NPAS2: variants seen among roughly 807,000 people sequenced by gnomAD.
NPAS2 encodes neuronal PAS domain protein 2, also known as neuronal PAS domain-containing protein 2.
In NPAS2, 23 loss-of-function variants were observed where a neutral mutation model predicts 107.5. That is an observed-to-expected ratio of 0.21 (90% confidence interval 0.15 to 0.30). The LOEUF (loss-of-function observed/expected upper bound fraction) is 0.30. NPAS2 is among the 10% of genes least tolerant of loss of function. The pLI is 1.00. For synonymous variants in NPAS2, 403 were observed against 417.5 expected, an observed-to-expected ratio of 0.97 and a Z score of 0.42; for missense variants, 756 against 1,043.3, an observed-to-expected ratio of 0.72 and a Z score of 3.79.
Position 100,990,110 on chromosome 2 carries a change from C to CA in NPAS2, c.1828-145dup, listed in dbSNP as rs111903663. On this transcript the variant is annotated intron_variant, in intron 17 of 20. Coordinates refer to ENST00000335681, the MANE Select transcript of NPAS2 (RefSeq NM_002518.4). ...TACAATCCAATGGGGAAGACAGTCA[C>CA]AGATCAAAGTAATTCAGTAGTTGGG... 316 of 741,342 alleles carry CA rather than the reference C, an allele frequency of 4.3e-4. 3 individuals are homozygous for CA. The African/African-American group carries it at 4.8e-3, about 11-fold the overall frequency. The allele number at this position is 741,342 out of a possible 1,614,324, so 45.9% of individuals were successfully genotyped here.
rs1679148041 is a variant in NPAS2, at chr2:100,864,641, G to A, written c.-22-40092G>A. ...ATCTACATAACAAAGAAAAAATGGG[G>A]CACAACACCCCCTTAGTCTTTAAAG... is the stretch of plus-strand genomic sequence containing the variant. On this transcript the variant is annotated intron_variant, in intron 1 of 20. Coordinates refer to ENST00000335681, the MANE Select transcript of NPAS2 (RefSeq NM_002518.4). 4.6e-5 allele frequency among the ~76,000 whole-genome samples: 7 copies of A among 152,240 alleles called. No homozygotes were observed. In the South Asian group the frequency reaches 1.5e-3, roughly 32 times the overall value.
intron 12 of NPAS2, among the ~76,000 whole-genome samples, chr2:100,971,577 C>T (rs189107067): frequency 6.6e-6 from 1 of 152,290 alleles, no homozygotes; most frequent in Admixed American, 6.5e-5. Context: ...CTCCCTGTCA[C>T]CTGTGCTTTC....
At chr2:100,970,729 AT>A (rs1318859353) in intron 11 of NPAS2, 1 of 378,392 alleles carries the variant, frequency 2.6e-6, no homozygotes, top group Non-Finnish European at 4.7e-6. Flanking sequence ...AGTAAAAAGA[AT>A]AGTAAATGAG....
At chr2:100,973,840 T>C (rs1676767756) in intron 12 of NPAS2, among the ~76,000 whole-genome samples, 1 of 152,118 alleles carries the variant, frequency 6.6e-6, no homozygotes, top group African/African-American at 2.4e-5. Flanking sequence ...CAACCTTTGT[T>C]TGGTTTATTA....
At chr2:100,876,902 C>A (rs1021836738) in intron 1 of NPAS2, among the ~76,000 whole-genome samples, 1 of 152,182 alleles carries the variant, frequency 6.6e-6, no homozygotes, top group African/African-American at 2.4e-5. Flanking sequence ...AGAGCTGCAG[C>A]CACCAGGAGA....
At chr2:100,911,947 T>C (rs1340326926) in intron 2 of NPAS2, among the ~76,000 whole-genome samples, 2 of 152,176 alleles carry the variant, frequency 1.3e-5, no homozygotes, top group Non-Finnish European at 2.9e-5. Context: ...TCAGTTTTAA[T>C]AGGAATGCTC....
At chr2:100,854,030 G>A (rs1471906601) in intron 1 of NPAS2, among the ~76,000 whole-genome samples, 2 of 150,958 alleles carry the variant, frequency 1.3e-5, no homozygotes, top group East Asian at 3.9e-4. Flanking sequence ...TGTGCCTCTA[G>A]TCTCAGTTAC....
intron 2 of NPAS2, among the ~76,000 whole-genome samples, chr2:100,923,270 C>T (rs1683352185): frequency 6.6e-6 from 1 of 151,946 alleles, no homozygotes; most frequent in Non-Finnish European, 1.5e-5. Flanking sequence ...AGGAAAAGAC[C>T]CCTAGGTAAA....
chr2:100,842,404 A>AT (rs1235048184), intron 1 of NPAS2, among the ~76,000 whole-genome samples: 1 of 151,862 alleles, frequency 6.6e-6, no homozygotes, highest in Non-Finnish European at 1.5e-5. Flanking sequence ...TCCCTTGTCA[A>AT]TGGGAGCTAG....
chr2:100,870,196 G>A (rs991043024), intron 1 of NPAS2, among the ~76,000 whole-genome samples: 5 of 152,012 alleles, frequency 3.3e-5, no homozygotes, highest in African/African-American at 1.2e-4. Flanking sequence ...ACCGCACCTG[G>A]CCCAGACTCC....
chr2:100,884,590 A>G (rs1680579484), intron 1 of NPAS2, among the ~76,000 whole-genome samples: 1 of 152,192 alleles, frequency 6.6e-6, no homozygotes, highest in Non-Finnish European at 1.5e-5. Context: ...AGGCTGAGAA[A>G]GATTGTGGTG....
intron 19 of NPAS2, among the ~76,000 whole-genome samples, chr2:100,993,107 T>C (rs1281873778): frequency 6.6e-6 from 1 of 152,186 alleles, no homozygotes; most frequent in South Asian, 2.1e-4. Flanking sequence ...TTTTTATTTA[T>C]ATTTTTAGTA....
At chr2:100,904,080 C>A (rs1276893149) in intron 1 of NPAS2, among the ~76,000 whole-genome samples, 1 of 152,104 alleles carries the variant, frequency 6.6e-6, no homozygotes, top group Non-Finnish European at 1.5e-5. Flanking sequence ...GGAGGAACTG[C>A]GGATTACACT....
intron 2 of NPAS2, 27 bp downstream of exon 2, chr2:100,904,813 G>T (rs1235102747): frequency 5.1e-6 from 8 of 1,571,478 alleles, no homozygotes; most frequent in Non-Finnish European, 7.0e-6. Flanking sequence ...CCCCTGCTCA[G>T]CAGAGCTCTC....
At chr2:100,975,649 TC>T in intron 14 of NPAS2, 82 bp downstream of exon 14, 1 of 1,001,258 alleles carries the variant, frequency 1.0e-6, no homozygotes, top group Non-Finnish European at 1.5e-6. Context: ...GTGCTGCGTC[TC>T]CCCAGAGAAT....
intron 1 of NPAS2, among the ~76,000 whole-genome samples, chr2:100,857,298 CAAAAAAAAA>C (rs11312399): frequency 1.1e-5 from 1 of 87,918 alleles, no homozygotes; most frequent in South Asian, 3.7e-4. Flanking sequence ...AACTCCTTCT[CAAAAAAAAA>C]AAAAAAAAAA....
At position 100,967,686 on chromosome 2, in the gene NPAS2, A is replaced by G. The variant is rs76869910; in HGVS notation, c.908-595A>G. Among the ~76,000 whole-genome samples the G allele has an allele frequency of 2.1e-3, 320 of 152,224 alleles. 1 individual carries two copies. Among genetic ancestry groups the G allele is most frequent in the East Asian group, 0.02 (105 of 5,180 alleles). ...CTGCCCTGCCCAGGCTTGATACACC[A>G]TCAGCATCCATTCTGCTCTGGACAC... On this transcript the variant is annotated intron_variant, in intron 10 of 20. Transcript: ENST00000335681.
intron 15 of NPAS2, among the ~76,000 whole-genome samples, chr2:100,978,726 G>C (rs894149553): frequency 1.3e-5 from 2 of 152,192 alleles, no homozygotes; most frequent in African/African-American, 4.8e-5. Flanking sequence ...CAGAGACGCC[G>C]CCGTGGCAGG....
At chr2:100,987,797 C>T (rs1677862670) in intron 16 of NPAS2, 2 of 461,814 alleles carry the variant, frequency 4.3e-6, no homozygotes, top group Admixed American at 3.7e-5. Flanking sequence ...ATTTAGAGAA[C>T]ATCTGGGTCT....
Sources: gnomAD v4.1 joint callset for allele counts (sites outside exome capture counted in the v4.1 genomes callset) on GRCh38, gnomAD v4.1.1 for gene constraint, MANE v1.5 for transcripts, NCBI Gene and HGNC (gene_info 2026-07-23, HGNC 2026-07-21) for gene names.